The following SLC2A6 variants were observed in gnomAD, a reference collection of about 807,000 sequenced individuals.
SLC2A6 encodes the protein solute carrier family 2 member 6.
A neutral mutation model predicts 47.8 loss-of-function variants in SLC2A6; 39 were observed. The ratio of observed to expected loss-of-function variants is 0.82; its 90% CI spans 0.63 to 1.07. SLC2A6 has a LOEUF of 1.07. Among genes scored for constraint, SLC2A6 ranks in the 50% least tolerant of loss-of-function variants. The pLI is 0.00. For synonymous variants in SLC2A6, 346 were observed against 324.1 expected, an observed-to-expected ratio of 1.07 and a Z score of -0.73; for missense variants, 650 against 707.6, an observed-to-expected ratio of 0.92 and a Z score of 0.92.
chr9:133,473,102 C>A lies in SLC2A6; in HGVS notation c.1368+3G>T. ...GGCCTGGGGCCTGGGGCTGAACACT[C>A]ACCACCACTGGCAGGAAGGACTTGG... On this transcript the variant is annotated splice_donor_region_variant and intron_variant, in intron 9 of 9. Coordinates refer to ENST00000371899, the MANE Select transcript of SLC2A6 (RefSeq NM_017585.4). 6.2e-7 allele frequency: 1 copy of A among 1,606,202 alleles called. No homozygotes were observed. Among genetic ancestry groups the A allele is most frequent in the Non-Finnish European group, 8.5e-7 (1 of 1,177,598 alleles).
intron 4 of SLC2A6, 148 bp downstream of exon 4, chr9:133,476,089 C>T: frequency 1.5e-6 from 1 of 651,360 alleles, no homozygotes; most frequent in African/African-American, 1.8e-5. Flanking sequence ...CAGCAAGGTG[C>T]TGACTGAGTG....
intron 8 of SLC2A6, 34 bp from the exon 9 acceptor site, chr9:133,473,284 G>T (rs1360452581): frequency 6.4e-7 from 1 of 1,551,748 alleles, no homozygotes. Context: ...CAGGCCCTGT[G>T]GGGTGACTGG....
Position 133,474,968 on chromosome 9 carries a change from A to G in SLC2A6, c.920T>C (p.Val307Ala), listed in dbSNP as rs781849205. 4.5e-6 allele frequency: 7 copies of G among 1,563,514 alleles called. No homozygotes were observed. The highest frequency in any genetic ancestry group is 8.7e-7 in the Non-Finnish European group (1 of 1,155,036). ...YLQSIFDSTAVLLPPKDDAAI... is the reference protein window; with the variant it reads ...YLQSIFDSTAALLPPKDDAAI... Reference sequence around the variant, plus strand: ...CCGGGGCTGGGCTCTCACCAGCAGGACAGCGGTGCTGTCGAAGATGGACTG... The same window carrying G: ...CCGGGGCTGGGCTCTCACCAGCAGGGCAGCGGTGCTGTCGAAGATGGACTG... The change falls in exon 6 of 10, where the codon GTC (valine) becomes GCC (alanine). Residue 307 changes from valine to alanine, a missense_variant. Physicochemically the swap from Val to Ala is moderately conservative, Grantham distance 64. Coordinates refer to ENST00000371899, the MANE Select transcript of SLC2A6 (RefSeq NM_017585.4).
rs376292679 is a variant in SLC2A6 at position 133,475,599 on chromosome 9, G to T, written c.575C>A (p.Pro192Gln). 1 of 1,595,014 alleles carries T rather than the reference G, an allele frequency of 6.3e-7. No individual in the cohort carries two copies. The highest frequency in any genetic ancestry group is 1.1e-5 in the South Asian group (1 of 88,934). Residue 192 changes from proline to glutamine, a missense_variant, in exon 5 of 10, where the codon CCG becomes CAG. Physicochemically the swap from Pro to Gln is moderately conservative, Grantham distance 76 (BLOSUM62 -1). Coordinates refer to ENST00000371899, the MANE Select transcript of SLC2A6 (RefSeq NM_017585.4). The part of the protein sequence containing the change: ...LSLYALGLLL[P>Q]WRWLAVAGEA... ...CCCGGCCACAGCCAGCCAGCGCCACGGCAGCAGGAGGCCTGGGGGCGAGGG... is the reference window on the plus strand; with the variant it reads ...CCCGGCCACAGCCAGCCAGCGCCACTGCAGCAGGAGGCCTGGGGGCGAGGG...
intron 3 of SLC2A6, 102 bp downstream of exon 3, chr9:133,476,933 T>C: frequency 7.7e-7 from 1 of 1,303,538 alleles, no homozygotes; most frequent in Non-Finnish European, 1.1e-6. Context: ...CAAACAATTC[T>C]CATTGCCCAG....
In SLC2A6 at chr9:133,475,067, C is replaced by A. The variant is rs587738148; in HGVS notation, c.821G>T (p.Arg274Leu). The A allele has an allele frequency of 1.2e-6, 2 of 1,600,440 alleles. No individual in the cohort carries two copies. Among genetic ancestry groups the A allele is most frequent in the East Asian group, 4.5e-5 (2 of 44,340 alleles). ...WAEARAPHVC[R>L]PITVALLMRL... is the part of the protein sequence containing the mutation. ...CATCAGCAAGGCCACGGTGATGGGC[C>A]GGCACACGTGTGGGGCCCGTGCCTC... Residue 274 changes from arginine (R) to leucine (L), a missense_variant, in exon 6 of 10, where the codon CGG (arginine) becomes CTG (leucine). Transcript: ENST00000371899.
rs1038182964 is a variant in SLC2A6, at chr9:133,472,183, G to A, written c.1369-7C>T. ...CCTGGAGGCCGAAGGTGCTCTGCGG[G>A]TGAAGAGCGGGGCCGGGTCACAGGG... On this transcript the variant is annotated splice_region_variant and splice_polypyrimidine_tract_variant and intron_variant, in intron 9 of 9. Transcript: ENST00000371899. 6.2e-7 allele frequency: 1 copy of A among 1,612,280 alleles called. No individual in the cohort carries two copies.
Position 133,475,623 on chromosome 9 carries a change from G to A in SLC2A6, c.563-12C>T, listed in dbSNP as rs782310130. Reference sequence around the variant, plus strand: ...CGGCAGCAGGAGGCCTGGGGGCGAGGGGTGGGTGAGGGGCCAGGTCCAGGC... The same window carrying A: ...CGGCAGCAGGAGGCCTGGGGGCGAGAGGTGGGTGAGGGGCCAGGTCCAGGC... On this transcript the variant is annotated splice_polypyrimidine_tract_variant and intron_variant, in intron 4 of 9. Coordinates refer to ENST00000371899, the MANE Select transcript of SLC2A6 (RefSeq NM_017585.4). 62 of 1,567,230 alleles carry A rather than the reference G, an allele frequency of 4.0e-5. No homozygotes were observed. The East Asian group carries it at 1.4e-3, about 36-fold the overall frequency.
In SLC2A6 at chr9:133,472,101, A is replaced by G. The variant is rs1185623768; in HGVS notation, c.1444T>C (p.Cys482Arg). Residue 482 changes from cysteine (C) to arginine (R), a missense_variant, in exon 10 of 10, where the codon TGT (cysteine) becomes CGT (arginine). Coordinates refer to ENST00000371899, the MANE Select transcript of SLC2A6 (RefSeq NM_017585.4). Reference sequence around the variant, plus strand: ...GACCGTCCCTTGGTCTCGGGCACACAGCAGCCTGTGAACACCAGGCTCACC... The same window carrying G: ...GACCGTCCCTTGGTCTCGGGCACACGGCAGCCTGTGAACACCAGGCTCACC... Reference protein sequence around the residue: ...CLVSLVFTGCCVPETKGRSLE... With the variant: ...CLVSLVFTGCRVPETKGRSLE... 12 of 1,613,316 alleles carry G rather than the reference A, an allele frequency of 7.4e-6. No individual in the cohort carries two copies. The highest frequency in any genetic ancestry group is 1.0e-5 in the Non-Finnish European group (12 of 1,179,944).
chr9:133,474,981 C>G lies in SLC2A6; in HGVS notation c.907G>C (p.Asp303His). The change falls in exon 6 of 10, where the codon GAC (aspartate) becomes CAC (histidine). Residue 303 changes from aspartate (D) to histidine (H), a missense_variant. Coordinates refer to ENST00000371899, the MANE Select transcript of SLC2A6 (RefSeq NM_017585.4). ...CTCACCAGCAGGACAGCGGTGCTGT[C>G]GAAGATGGACTGCAGGTAGACCAGG... ...PILVYLQSIF[D>H]STAVLLPPKD... The G allele has an allele frequency of 1.3e-6, 2 of 1,581,504 alleles. No individual in the cohort carries two copies. Among genetic ancestry groups the G allele is most frequent in the Non-Finnish European group, 1.7e-6 (2 of 1,164,898 alleles).
intron 6 of SLC2A6, 49 bp from the exon 7 acceptor site, chr9:133,474,137 T>A: frequency 1.4e-6 from 2 of 1,440,324 alleles, no homozygotes; most frequent in Non-Finnish European, 1.9e-6. Flanking sequence ...GCTGTTCCCA[T>A]CCCCCTCCAG....
chr9:133,473,466 C>T lies in SLC2A6; in HGVS notation c.1171G>A (p.Ala391Thr), dbSNP rs782371422. Residue 391 changes from alanine to threonine, a missense_variant, in exon 8 of 10, where the codon GCT becomes ACT. By Grantham distance (58) the Ala-to-Thr change is moderately conservative. Transcript: ENST00000371899. The stretch of plus-strand genomic sequence containing the variant: ...AGGGGCACCAGGGTGAGGTAGCCAG[C>T]GGGTGCTGCCAGGGGCTGCGCCAAG... ...GDLAQPLAAP[A>T]GYLTLVPLLA... is the part of the protein sequence containing the mutation. 7.5e-6 allele frequency: 12 copies of T among 1,605,236 alleles called. No individual in the cohort carries two copies. The highest frequency in any genetic ancestry group is 3.4e-5 in the Admixed American group (2 of 59,276).
At chr9:133,473,788 A>G (rs1318087701) in intron 7 of SLC2A6, 188 bp from the exon 8 acceptor site, 2 of 748,880 alleles carry the variant, frequency 2.7e-6, no homozygotes, top group Admixed American at 3.2e-5. Context: ...TGTCACAGCC[A>G]GTGTGTCCAC....
At position 133,477,057 on chromosome 9, in the gene SLC2A6, C is replaced by A; in HGVS notation, c.440G>T (p.Gly147Val). The A allele has an allele frequency of 3.2e-6, 5 of 1,546,606 alleles. No homozygotes were observed. Among genetic ancestry groups the A allele is most frequent in the Non-Finnish European group, 4.4e-6 (5 of 1,146,212 alleles). ...TACCGGGATGCAGGCAGCTGTGAGC[C>A]CCCCGGCGAAGCCCGTCAGCGTCCT... ...LGRTLTGFAG[G>V]LTAACIPVYV... Residue 147 changes from glycine (G) to valine (V), a missense_variant, in exon 3 of 10, where the codon GGG becomes GTG. Coordinates refer to ENST00000371899, the MANE Select transcript of SLC2A6 (RefSeq NM_017585.4).
In SLC2A6 at chr9:133,478,968, C is replaced by A; in HGVS notation, c.92G>T (p.Gly31Val). 6.3e-7 allele frequency: 1 copy of A among 1,578,570 alleles called. No homozygotes were observed. Among genetic ancestry groups the A allele is most frequent in the Non-Finnish European group, 8.6e-7 (1 of 1,166,460 alleles). Residue 31 changes from glycine to valine, a missense_variant and splice_region_variant, in exon 1 of 10, where the codon GGG (glycine) becomes GTG (valine). By Grantham distance (109) the Gly-to-Val change is moderately radical. Coordinates refer to ENST00000371899, the MANE Select transcript of SLC2A6 (RefSeq NM_017585.4). ...PPSPGDRARV[G>V]TLQNKRVFLA... ...CAGCCCCCAACCTAGCGACTCTCAC[C>A]CGACCCGCGCCCTGTCCCCTGGCGA...
At chr9:133,476,941 CAGA>C in intron 3 of SLC2A6, 91 bp downstream of exon 3, 1 of 1,352,886 alleles carries the variant, frequency 7.4e-7, no homozygotes, top group Non-Finnish European at 1.0e-6. Flanking sequence ...TCTCATTGCC[CAGA>C]AGGCATGGAG....
chr9:133,476,152 A>G, intron 4 of SLC2A6, 85 bp downstream of exon 4: 1 of 1,087,300 alleles, frequency 9.2e-7, no homozygotes, highest in Non-Finnish European at 1.4e-6. Context: ...TTCTGGGACA[A>G]ATCATTCCCT....
rs782697242 is a variant in SLC2A6, at chr9:133,475,074, C to A, written c.814G>T (p.Val272Leu). The change falls in exon 6 of 10, where the codon GTG becomes TTG. Residue 272 changes from valine to leucine, a missense_variant. Transcript: ENST00000371899. ...AAGGCCACGGTGATGGGCCGGCACA[C>A]GTGTGGGGCCCGTGCCTCAGCCCAC... Reference protein sequence around the residue: ...VSWAEARAPHVCRPITVALLM... With the variant: ...VSWAEARAPHLCRPITVALLM... The A allele has an allele frequency of 6.3e-7, 1 of 1,597,706 alleles. No homozygotes were observed. Among genetic ancestry groups the A allele is most frequent in the Non-Finnish European group, 8.5e-7 (1 of 1,174,298 alleles).
intron 9 of SLC2A6, among the ~76,000 whole-genome samples, chr9:133,472,736 G>A (rs1843775629): frequency 6.6e-6 from 1 of 152,178 alleles, no homozygotes; most frequent in Non-Finnish European, 1.5e-5. Context: ...GAGTGGGTGG[G>A]GTTGAGGGGG....
Sources: allele counts gnomAD v4.1 joint callset (sites outside exome capture counted in the v4.1 genomes callset), GRCh38; gene constraint gnomAD v4.1.1; transcripts MANE v1.5; gene names NCBI Gene and HGNC (gene_info 2026-07-23, HGNC 2026-07-21).